TRAPPC9: variants seen among roughly 807,000 people sequenced by gnomAD.
The protein encoded by TRAPPC9 is IKK2 binding protein.
A neutral mutation model predicts 124.0 loss-of-function variants in TRAPPC9; 83 were observed. That is an observed-to-expected ratio of 0.67 (90% CI 0.56 to 0.80). The LOEUF (loss-of-function observed/expected upper bound fraction) is 0.80. TRAPPC9 is among the 30% of genes least tolerant of loss of function. The probability of loss-of-function intolerance (pLI) is 0.00; values close to 1 mark genes in which losing one functional copy is unlikely to be tolerated. For missense variants in TRAPPC9, 1,302 were observed against 1,508.3 expected (o/e 0.86, Z 2.27); for synonymous variants, 638 against 617.5 (o/e 1.03, Z -0.49).
chr8:140,427,757 G>T (rs2070482605), intron 4 of TRAPPC9, among the ~76,000 whole-genome samples: 5 of 152,090 alleles, frequency 3.3e-5, no homozygotes, highest in South Asian at 4.1e-4. Context: ...CAGAGAAGAG[G>T]CCCCATGATT....
chr8:139,751,614 C>T (rs1191180893), intron 21 of TRAPPC9, among the ~76,000 whole-genome samples: 1 of 152,126 alleles, frequency 6.6e-6, no homozygotes, highest in Non-Finnish European at 1.5e-5. Context: ...CATGCCCCAA[C>T]CCTAGAACAA....
At chr8:140,306,194 G>A (rs1038691633) in intron 10 of TRAPPC9, among the ~76,000 whole-genome samples, 1 of 152,056 alleles carries the variant, frequency 6.6e-6, no homozygotes, top group Non-Finnish European at 1.5e-5. Flanking sequence ...GAAAAGTGCT[G>A]GAGGCTAAAG....
intron 19 of TRAPPC9, among the ~76,000 whole-genome samples, chr8:139,950,062 C>G (rs116387527): frequency 0.015 from 2,259 of 152,304 alleles, 55 homozygotes; most frequent in African/African-American, 0.052. Context: ...TTCAAGGTAG[C>G]ACGGCACCCC....
At chr8:139,898,320 C>A (rs115952901) in intron 20 of TRAPPC9, among the ~76,000 whole-genome samples, 377 of 152,306 alleles carry the variant, frequency 2.5e-3, no homozygotes, top group African/African-American at 8.4e-3. Flanking sequence ...AAACTAGACC[C>A]CGGTAAGCAT....
chr8:140,329,984 C>G (rs1440626639), intron 9 of TRAPPC9, among the ~76,000 whole-genome samples: 1 of 152,084 alleles, frequency 6.6e-6, no homozygotes, highest in Non-Finnish European at 1.5e-5. Context: ...GAGGCTGAGG[C>G]AGGAGAATCA....
intron 17 of TRAPPC9, among the ~76,000 whole-genome samples, chr8:140,116,883 A>G (rs1200369254): frequency 6.6e-6 from 1 of 151,098 alleles, no homozygotes; most frequent in Non-Finnish European, 1.5e-5. Flanking sequence ...GAGTAGGCGG[A>G]GTTCAGTGAG....
intron 18 of TRAPPC9, among the ~76,000 whole-genome samples, chr8:139,995,442 CCT>C (rs1350812964): frequency 2.6e-5 from 4 of 152,124 alleles, no homozygotes; most frequent in African/African-American, 9.7e-5. Flanking sequence ...CACACACCTC[CCT>C]GATACAAACC....
chr8:139,848,592 C>T (rs2130920182), intron 21 of TRAPPC9, among the ~76,000 whole-genome samples: 1 of 152,214 alleles, frequency 6.6e-6, no homozygotes, highest in African/African-American at 2.4e-5. Flanking sequence ...AGTTGGATCA[C>T]CTTCTATATA....
At chr8:140,277,793 C>G (rs1452556544) in intron 14 of TRAPPC9, among the ~76,000 whole-genome samples, 2 of 152,248 alleles carry the variant, frequency 1.3e-5, no homozygotes, top group Non-Finnish European at 2.9e-5. Flanking sequence ...CAGGTCCAGT[C>G]TCCTAGGAGG....
At chr8:139,950,250 T>G (rs2035134) in intron 19 of TRAPPC9, among the ~76,000 whole-genome samples, 1 of 152,114 alleles carries the variant, frequency 6.6e-6, no homozygotes, top group African/African-American at 2.4e-5. Flanking sequence ...TGAGTTCTCA[T>G]GAGGATTCAA....
At chr8:140,114,727 A>G (rs2060846592) in intron 17 of TRAPPC9, among the ~76,000 whole-genome samples, 1 of 152,196 alleles carries the variant, frequency 6.6e-6, no homozygotes, top group Non-Finnish European at 1.5e-5. Flanking sequence ...GAGGAAGCAT[A>G]TGGGAGCGGG....
intron 19 of TRAPPC9, among the ~76,000 whole-genome samples, chr8:139,965,364 CCCTGGGGTGCTGCAGCAGCT>C (rs1371287978): frequency 6.6e-6 from 1 of 152,162 alleles, no homozygotes; most frequent in African/African-American, 2.4e-5. Flanking sequence ...CAGGATGACA[CCCTGGGGTGCTGCAGCAGCT>C]CCCGAGGCTC....
chr8:140,189,332 C>T (rs1409908507), intron 17 of TRAPPC9, among the ~76,000 whole-genome samples: 1 of 152,176 alleles, frequency 6.6e-6, no homozygotes, highest in African/African-American at 2.4e-5. Flanking sequence ...AACTCCTTGC[C>T]TTAGAAGTTC....
chr8:139,758,710 T>C (rs1029583447), intron 21 of TRAPPC9, among the ~76,000 whole-genome samples: 4 of 152,172 alleles, frequency 2.6e-5, no homozygotes, highest in African/African-American at 7.2e-5. Flanking sequence ...TGAAGGCGGT[T>C]GGGGCAGGCT....
chr8:139,890,651 A>G (rs1359026822), intron 20 of TRAPPC9, among the ~76,000 whole-genome samples: 1 of 152,186 alleles, frequency 6.6e-6, no homozygotes, highest in African/African-American at 2.4e-5. Context: ...TGTCTCCCTC[A>G]GGGACTGAGC....
intron 15 of TRAPPC9, among the ~76,000 whole-genome samples, chr8:140,271,981 G>A (rs2064901318): frequency 7.4e-6 from 1 of 134,744 alleles, no homozygotes; most frequent in Non-Finnish European, 1.6e-5. Flanking sequence ...TGGCAGTAAT[G>A]GTGGTGGTGG....
intron 18 of TRAPPC9, among the ~76,000 whole-genome samples, chr8:140,020,609 G>C (rs766111086): frequency 6.6e-6 from 1 of 151,948 alleles, no homozygotes; most frequent in African/African-American, 2.4e-5. Flanking sequence ...CTGGACAATG[G>C]AGTGAGATTC....
rs138299860 is a variant in TRAPPC9 at position 140,153,074 on chromosome 8, T to C, written c.2556+68385A>G. 3.0e-3 allele frequency among the ~76,000 whole-genome samples: 464 copies of C among 152,328 alleles called. 4 individuals are homozygous for C. The highest frequency in any genetic ancestry group is 0.011 in the African/African-American group (448 of 41,560). On this transcript the variant is annotated intron_variant, in intron 17 of 22. Transcript: ENST00000438773. ...TTTATTTCTAATGAGACTTTGGTTC[T>C]GTTTCCTGCTGATTTGTATCATGAA...
Position 139,825,121 on chromosome 8 carries a change from G to A in TRAPPC9, c.3055+60758C>T, listed in dbSNP as rs1467947020. 6.6e-6 allele frequency among the ~76,000 whole-genome samples: 1 copy of A among 152,174 alleles called. No individual in the cohort carries two copies. The highest frequency in any genetic ancestry group is 1.5e-5 in the Non-Finnish European group (1 of 68,030). On this transcript the variant is annotated intron_variant, in intron 21 of 22. Transcript: ENST00000438773. The surrounding 1 kb of genome is among the most constrained non-coding windows in gnomAD (Gnocchi z 4.6). Reference sequence around the variant, plus strand: ...CAGATGACCCGGGCCCTGGACGTGGGACGTGGGCTGCGGGACTACAGGATT... The same window carrying A: ...CAGATGACCCGGGCCCTGGACGTGGAACGTGGGCTGCGGGACTACAGGATT...
Sources: allele counts gnomAD v4.1 joint callset (sites outside exome capture counted in the v4.1 genomes callset), GRCh38; gene constraint gnomAD v4.1.1; non-coding constraint Gnocchi (gnomAD v3.1); transcripts MANE v1.5; gene names NCBI Gene and HGNC (gene_info 2026-07-23, HGNC 2026-07-21).